Variants in TENM3 observed in about 807,000 individuals in gnomAD.
The protein encoded by TENM3 is teneurin transmembrane protein 3.
A neutral mutation model predicts 255.1 loss-of-function variants in TENM3; 63 were observed. That is an observed-to-expected ratio of 0.25 (90% CI 0.20 to 0.30). The LOEUF (loss-of-function observed/expected upper bound fraction) is 0.30. Ranked by LOEUF, TENM3 falls within the 10% of genes least tolerant of loss-of-function variation. The probability of loss-of-function intolerance (pLI) is 1.00; values close to 1 mark genes in which losing one functional copy is unlikely to be tolerated. For missense variants in TENM3, 2,929 were observed against 3,461.1 expected (o/e 0.85, Z 3.86); for synonymous variants, 1,306 against 1,322.3 (o/e 0.99, Z 0.27).
chr4:181,871,194 ATTC>A, the TENM3 span, among the ~76,000 whole-genome samples: 30,143 of 151,742 alleles, frequency 0.2, 3,623 homozygotes, highest in South Asian at 0.34. Flanking sequence ...CCCCAATTTT[ATTC>A]TTCTTTTTCA....
chr4:182,232,668 C>T (rs1459255675), intron 1 of TENM3, among the ~76,000 whole-genome samples: 2 of 152,028 alleles, frequency 1.3e-5, no homozygotes, highest in Non-Finnish European at 2.9e-5. Context: ...TGCACTCCAG[C>T]CTGGCAACAG....
the TENM3 span, among the ~76,000 whole-genome samples, chr4:181,929,199 G>A: frequency 2.6e-5 from 4 of 152,120 alleles, no homozygotes; most frequent in African/African-American, 7.2e-5. Context: ...AAATGTAAAT[G>A]GGCTAAATGC....
chr4:182,103,436 A>G, the TENM3 span, among the ~76,000 whole-genome samples: 4,955 of 152,330 alleles, frequency 0.033, 211 homozygotes, highest in East Asian at 0.12. Context: ...CTGTAAGTGA[A>G]CTCAATCAAT....
In TENM3 at chr4:182,793,033, C is replaced by A; in HGVS notation, c.6361C>A (p.Pro2121Thr). 1 of 1,613,838 alleles carries A rather than the reference C, an allele frequency of 6.2e-7. No individual in the cohort carries two copies. Among genetic ancestry groups the A allele is most frequent in the Non-Finnish European group, 8.5e-7 (1 of 1,179,856 alleles). The change falls in exon 26 of 28, where the codon CCC becomes ACC. Residue 2121 changes from proline to threonine, a missense_variant. By Grantham distance (38) the Pro-to-Thr change is conservative. Around this residue, in one of 6 missense-constraint regions of TENM3, gnomAD observed 256 missense variants for 389.3 expected, o/e 0.66. Coordinates refer to ENST00000511685, the MANE Select transcript of TENM3 (RefSeq NM_001080477.4). The surrounding 1 kb of genome is among the most constrained non-coding windows in gnomAD (Gnocchi z 5.7). Reference sequence around the variant, plus strand: ...AACCAAGAGAGAGATTAAAATAGGGCCCTTTGCCAACACCACCAAATATGC... The same window carrying A: ...AACCAAGAGAGAGATTAAAATAGGGACCTTTGCCAACACCACCAAATATGC... ...RVTKREIKIG[P>T]FANTTKYAYE...
At chr4:182,141,928 G>C (rs1749462624), upstream of TENM3, 1 of 152,124 alleles carries the variant, frequency 6.6e-6, no homozygotes. Flanking sequence ...TTGTGTATTC[G>C]TAGACAGTAA....
chr4:182,788,558 G>A (rs1211202301), intron 24 of TENM3, among the ~76,000 whole-genome samples: 8 of 152,180 alleles, frequency 5.3e-5, no homozygotes, highest in Non-Finnish European at 7.3e-5. Flanking sequence ...AAACTGTGAC[G>A]TTGCAGCACT....
the TENM3 span, among the ~76,000 whole-genome samples, chr4:181,765,290 T>C: frequency 6.6e-6 from 1 of 152,194 alleles, no homozygotes; most frequent in Non-Finnish European, 1.5e-5. Context: ...TTGACGTATG[T>C]ATGACCATAA....
the TENM3 span, among the ~76,000 whole-genome samples, chr4:181,733,382 T>A: frequency 3.9e-5 from 6 of 152,376 alleles, no homozygotes; most frequent in East Asian, 1.2e-3. Flanking sequence ...ATCTTTATAA[T>A]CTCAGCTGTT....
chr4:181,852,312 C>T, the TENM3 span, among the ~76,000 whole-genome samples: 2 of 152,234 alleles, frequency 1.3e-5, no homozygotes, highest in Non-Finnish European at 1.5e-5. Context: ...TCTTTTCCTT[C>T]GTTTATTATT....
At position 182,382,360 on chromosome 4, in the gene TENM3, G is replaced by GT. The variant is rs35199503; in HGVS notation, c.511+35443dup. Among the ~76,000 whole-genome samples, 8 of 148,286 alleles carry GT rather than the reference G, an allele frequency of 5.4e-5. No homozygotes were observed. In the East Asian group the frequency reaches 9.8e-4, roughly 18 times the overall value. On this transcript the variant is annotated intron_variant, in intron 3 of 27. Transcript: ENST00000511685. ...GATTGATATTTTTGCACCATTTCTT[G>GT]TTTTTTTTTTTTATATTTTCAAGTT...
At chr4:181,516,570 T>G in the TENM3 span, among the ~76,000 whole-genome samples, 3 of 151,822 alleles carry the variant, frequency 2.0e-5, no homozygotes, top group Non-Finnish European at 4.4e-5. Flanking sequence ...CACCTGAGAT[T>G]GGGAGTTTGA....
the TENM3 span, among the ~76,000 whole-genome samples, chr4:182,031,956 A>C: frequency 2.0e-5 from 3 of 152,208 alleles, no homozygotes; most frequent in Non-Finnish European, 4.4e-5. Flanking sequence ...TTTTGGGCTC[A>C]GACGATGGGG....
intron 13 of TENM3, among the ~76,000 whole-genome samples, chr4:182,715,063 T>C (rs1346875691): frequency 6.6e-6 from 1 of 152,178 alleles, no homozygotes; most frequent in Admixed American, 6.5e-5. Flanking sequence ...TTTGTATTTT[T>C]AGGAGAGACA....
chr4:181,724,699 C>T, the TENM3 span, among the ~76,000 whole-genome samples: 166 of 152,174 alleles, frequency 1.1e-3, 1 homozygote, highest in African/African-American at 3.7e-3. Flanking sequence ...GTTGACTATT[C>T]ATATTTAAAA....
intron 1 of TENM3, among the ~76,000 whole-genome samples, chr4:182,157,093 C>A (rs1750757701): frequency 6.6e-6 from 1 of 152,188 alleles, no homozygotes; most frequent in Admixed American, 6.5e-5. Flanking sequence ...AGCATCCACC[C>A]TTCCTGCAGC....
intron 3 of TENM3, among the ~76,000 whole-genome samples, chr4:182,569,685 C>T (rs1016877352): frequency 1.1e-4 from 16 of 151,952 alleles, no homozygotes; most frequent in African/African-American, 3.1e-4. Flanking sequence ...TGTGACAGGA[C>T]GTCAACAAGA....
chr4:181,926,253 G>A, the TENM3 span, among the ~76,000 whole-genome samples: 2 of 152,040 alleles, frequency 1.3e-5, no homozygotes, highest in African/African-American at 2.4e-5. Flanking sequence ...AAATATGAAT[G>A]GTCTTTATCA....
intron 3 of TENM3, among the ~76,000 whole-genome samples, chr4:182,421,205 TCTTCAC>T (rs1271621873): frequency 6.6e-6 from 1 of 152,188 alleles, no homozygotes; most frequent in Non-Finnish European, 1.5e-5. Context: ...TTCATCTTCA[TCTTCAC>T]CCTCGTCATC....
chr4:182,157,875 A>G (rs1750817375), intron 1 of TENM3, among the ~76,000 whole-genome samples: 1 of 152,218 alleles, frequency 6.6e-6, no homozygotes, highest in South Asian at 2.1e-4. Flanking sequence ...AGCACAGATC[A>G]ATGAATTTGG....
Sources: allele counts gnomAD v4.1 joint callset (sites outside exome capture counted in the v4.1 genomes callset), GRCh38; gene constraint gnomAD v4.1.1; regional missense constraint gnomAD v4.1.1; non-coding constraint Gnocchi (gnomAD v3.1); transcripts MANE v1.5; gene names NCBI Gene and HGNC (gene_info 2026-07-23, HGNC 2026-07-21).